Variants in LAMA3 observed in about 807,000 individuals in gnomAD.
LAMA3 encodes the protein laminin subunit alpha 3, also known as laminin subunit alpha-3.
LAMA3 carries 281 observed loss-of-function variants against 402.0 expected under a neutral mutation model. The observed-to-expected ratio is 0.70, with a 90% confidence interval of 0.63 to 0.77. LAMA3 has a LOEUF of 0.77. LAMA3 is among the 30% of genes least tolerant of loss of function. The probability of loss-of-function intolerance (pLI) is 0.00; values close to 1 mark genes in which losing one functional copy is unlikely to be tolerated. For missense variants in LAMA3, 3,840 were observed against 4,215.5 expected (o/e 0.91, Z 2.47); for synonymous variants, 1,431 against 1,558.4 (o/e 0.92, Z 1.93).
At chr18:23,921,619 C>T (rs763867096) in intron 62 of LAMA3, 34 bp downstream of exon 62, 2 of 1,609,972 alleles carry the variant, frequency 1.2e-6, no homozygotes, top group Non-Finnish European at 1.7e-6. Flanking sequence ...GATTTAAAGC[C>T]TTTGTTAGTG....
chr18:23,902,933 T>G, intron 48 of LAMA3, 76 bp from the exon 49 acceptor site: 1 of 826,996 alleles, frequency 1.2e-6, no homozygotes, highest in Non-Finnish European at 2.2e-6. Context: ...ACGTATATGC[T>G]ATTGTCCCAT....
intron 25 of LAMA3, 80 bp from the exon 26 acceptor site, chr18:23,838,701 T>C (rs148416963): frequency 1.3e-6 from 1 of 784,440 alleles, no homozygotes; most frequent in Non-Finnish European, 2.3e-6. Context: ...TAATAGCTTT[T>C]TTAAAAGGGT....
intron 62 of LAMA3, among the ~76,000 whole-genome samples, chr18:23,924,635 C>T (rs2081951302): frequency 6.6e-6 from 1 of 151,060 alleles, no homozygotes; most frequent in Non-Finnish European, 1.5e-5. Flanking sequence ...ACCTCCACCT[C>T]CCGGGTTCAA....
At chr18:23,819,508 A>C (rs570995480) in intron 18 of LAMA3, among the ~76,000 whole-genome samples, 76 of 152,368 alleles carry the variant, frequency 5.0e-4, no homozygotes, top group African/African-American at 1.7e-3. Context: ...GAGTGATTAA[A>C]TAAATAAACA....
chr18:23,714,864 A>C (rs559208965), intron 2 of LAMA3, among the ~76,000 whole-genome samples: 1 of 152,146 alleles, frequency 6.6e-6, no homozygotes, highest in African/African-American at 2.4e-5. Context: ...CCAACATTCT[A>C]CTTCTCTTAC....
At chr18:23,843,295 T>C (rs2063745429) in intron 29 of LAMA3, among the ~76,000 whole-genome samples, 1 of 152,202 alleles carries the variant, frequency 6.6e-6, no homozygotes, top group Non-Finnish European at 1.5e-5. Flanking sequence ...ATCTCCTGCG[T>C]ATCTGCCTGG....
chr18:23,774,142 G>A (rs1022127091), intron 9 of LAMA3, among the ~76,000 whole-genome samples: 1 of 152,198 alleles, frequency 6.6e-6, no homozygotes. Context: ...AGAATTGCTT[G>A]AACCCAGGAG....
chr18:23,823,349 A>C (rs778365208), intron 20 of LAMA3, among the ~76,000 whole-genome samples: 12 of 152,222 alleles, frequency 7.9e-5, no homozygotes, highest in Non-Finnish European at 1.5e-4. Flanking sequence ...CCAAACTCTT[A>C]ACAGGCCCCT....
rs539314011 is a variant in LAMA3, at chr18:23,756,220, A to G, written c.948-2176A>G. Among the ~76,000 whole-genome samples the G allele has an allele frequency of 3.9e-5, 6 of 152,188 alleles. No homozygotes were observed. The East Asian group carries it at 1.2e-3, about 29-fold the overall frequency. ...ACACCCTCTCTTGGGAATAAAACTG[A>G]ATATATGCCACGCCACCTTCCCTTA... On this transcript the variant is annotated intron_variant, in intron 6 of 74. Transcript: ENST00000313654.
At chr18:23,749,295 C>A in intron 3 of LAMA3, 133 bp from the exon 4 acceptor site, 1 of 620,196 alleles carries the variant, frequency 1.6e-6, no homozygotes, top group Non-Finnish European at 2.8e-6. Context: ...ATCAGCCTTT[C>A]TCTAAAAGTT....
rs372167443 is a variant in LAMA3 at position 23,827,069 on chromosome 18, T to C, written c.2670-245T>C. Among the ~76,000 whole-genome samples the C allele has an allele frequency of 8.3e-4, 127 of 152,358 alleles. 3 individuals are homozygous for C. In the South Asian group the frequency reaches 0.025, roughly 30 times the overall value. Reference sequence around the variant, plus strand: ...AAGTCAATGCCCTCAAGGTCAGTCATACATCTGGTGGGAGGAAGAGCTTAA... The same window carrying C: ...AAGTCAATGCCCTCAAGGTCAGTCACACATCTGGTGGGAGGAAGAGCTTAA... On this transcript the variant is annotated intron_variant, in intron 22 of 74. Coordinates refer to ENST00000313654, the MANE Select transcript of LAMA3 (RefSeq NM_198129.4).
intron 14 of LAMA3, among the ~76,000 whole-genome samples, chr18:23,813,553 C>CTTTTTTT (rs1164123647): frequency 3.4e-4 from 39 of 115,032 alleles, no homozygotes; most frequent in African/African-American, 4.1e-4. Flanking sequence ...TCTTTTCTTT[C>CTTTTTTT]TTTTTTTTTT....
chr18:23,930,107 A>T (rs893763661), intron 64 of LAMA3, among the ~76,000 whole-genome samples: 3 of 152,252 alleles, frequency 2.0e-5, no homozygotes, highest in African/African-American at 7.2e-5. Context: ...TTTAGACTGA[A>T]ATCTTACCAA....
chr18:23,739,011 G>A (rs2061521355), intron 2 of LAMA3, among the ~76,000 whole-genome samples: 1 of 152,194 alleles, frequency 6.6e-6, no homozygotes. Flanking sequence ...ACAAAAGACA[G>A]ATACCTGCAC....
intron 2 of LAMA3, among the ~76,000 whole-genome samples, chr18:23,718,020 C>T (rs149279651): frequency 2.0e-5 from 3 of 152,116 alleles, no homozygotes; most frequent in East Asian, 3.9e-4. Flanking sequence ...AATGAGAACA[C>T]GATGTCTTTC....
intron 1 of LAMA3, among the ~76,000 whole-genome samples, chr18:23,713,632 A>G (rs1322098909): frequency 6.6e-6 from 1 of 152,234 alleles, no homozygotes; most frequent in Admixed American, 6.5e-5. Context: ...GAAGTGTTGT[A>G]TGAAACAAAA....
Position 23,920,935 on chromosome 18 carries a change from G to A in LAMA3, c.7924G>A (p.Asp2642Asn). 1 of 1,613,902 alleles carries A rather than the reference G, an allele frequency of 6.2e-7. No homozygotes were observed. Residue 2642 changes from aspartate (D) to asparagine (N), a missense_variant and splice_region_variant, in exon 61 of 75, where the codon GAT (aspartate) becomes AAT (asparagine). By Grantham distance (23) the Asp-to-Asn change is conservative (BLOSUM62 1). Coordinates refer to ENST00000313654, the MANE Select transcript of LAMA3 (RefSeq NM_198129.4). ...RGLLFFAENG[D>N]RFISLNIEDG... ...CATCTGCATTGTTCCTCTGTCCTAG[G>A]ATCGCTTCATATCTCTAAATATAGA... is the stretch of plus-strand genomic sequence containing the variant.
chr18:23,712,896 G>A (rs773131740), intron 1 of LAMA3, among the ~76,000 whole-genome samples: 39 of 151,786 alleles, frequency 2.6e-4, no homozygotes, highest in Non-Finnish European at 4.6e-4. Context: ...ATTTAGTTTG[G>A]GAGCAGATAG....
Position 23,949,795 on chromosome 18 carries a change from CT to C in LAMA3, c.9383del (p.Leu3128ArgfsTer68). 6.2e-7 allele frequency: 1 copy of C among 1,613,984 alleles called. No homozygotes were observed. Among genetic ancestry groups the C allele is most frequent in the Non-Finnish European group, 8.5e-7 (1 of 1,180,006 alleles). ...SLPTNSFVGC[L>X]KNFQLDSKPL... ...CCCCACAAACAGCTTTGTGGGATGCCTGAAGAACTTTCAGCTGGATTCAAAA... is the reference window on the plus strand; with the variant it reads ...CCCCACAAACAGCTTTGTGGGATGCCGAAGAACTTTCAGCTGGATTCAAAA... On this transcript the variant is annotated frameshift_variant, in exon 71 of 75. Transcript: ENST00000313654. LOFTEE classifies it high-confidence loss of function.
Sources: allele counts gnomAD v4.1 joint callset (sites outside exome capture counted in the v4.1 genomes callset), GRCh38; gene constraint gnomAD v4.1.1; transcripts MANE v1.5; gene names NCBI Gene and HGNC (gene_info 2026-07-23, HGNC 2026-07-21).